Variants in TMTC1 observed in about 807,000 individuals in gnomAD.
TMTC1 encodes transmembrane O-mannosyltransferase targeting cadherins 1.
A neutral mutation model predicts 104.8 loss-of-function variants in TMTC1; 73 were observed. That is an observed-to-expected ratio of 0.70 (90% confidence interval 0.58 to 0.85). The LOEUF is 0.85. TMTC1 is among the 40% of genes least tolerant of loss of function. TMTC1 has a pLI of 0.00. For synonymous variants in TMTC1, 434 were observed against 428.7 expected, an observed-to-expected ratio of 1.01 and a Z score of -0.15; for missense variants, 1,035 against 1,096.1, an observed-to-expected ratio of 0.94 and a Z score of 0.79.
chr12:29,650,452 C>A (rs538406858), intron 5 of TMTC1, among the ~76,000 whole-genome samples: 9 of 152,162 alleles, frequency 5.9e-5, no homozygotes, highest in East Asian at 3.9e-4. Flanking sequence ...GACACCCGGG[C>A]CTCAGGTCAT....
At chr12:29,616,469 C>T (rs1946980854) in intron 6 of TMTC1, among the ~76,000 whole-genome samples, 1 of 151,966 alleles carries the variant, frequency 6.6e-6, no homozygotes, top group East Asian at 1.9e-4. Context: ...GTCAAGAGTT[C>T]AAGGCCTGAC....
intron 5 of TMTC1, among the ~76,000 whole-genome samples, chr12:29,691,355 C>G: frequency 6.6e-6 from 1 of 152,106 alleles, no homozygotes; most frequent in Non-Finnish European, 1.5e-5. Context: ...TCCAACCCAA[C>G]TAATCAGCAC....
chr12:29,768,156 C>A (rs1943516711), intron 1 of TMTC1, 81 bp from the exon 2 acceptor site: 2 of 1,027,454 alleles, frequency 1.9e-6, no homozygotes, highest in Non-Finnish European at 2.8e-6. Context: ...CGGAATCCAT[C>A]ATTTAAAAAG....
intron 5 of TMTC1, 103 bp downstream of exon 5, chr12:29,751,561 TCA>T: frequency 8.6e-7 from 1 of 1,168,178 alleles, no homozygotes; most frequent in Non-Finnish European, 1.3e-6. Flanking sequence ...GAGAGGGAGG[TCA>T]CAGTGTGCTG....
chr12:29,525,914 A>T (rs1944330647), intron 11 of TMTC1, among the ~76,000 whole-genome samples: 1 of 152,244 alleles, frequency 6.6e-6, no homozygotes, highest in Admixed American at 6.5e-5. Context: ...AGATTTTTCT[A>T]GGAATGTCCC....
At chr12:29,654,268 T>C (rs191204185) in intron 5 of TMTC1, among the ~76,000 whole-genome samples, 3 of 152,106 alleles carry the variant, frequency 2.0e-5, no homozygotes, top group Admixed American at 1.3e-4. Context: ...AACAACCCAA[T>C]TAAAAAGTGA....
At chr12:29,715,991 T>TATTATTATC (rs200649903) in intron 5 of TMTC1, among the ~76,000 whole-genome samples, 3,636 of 30,796 alleles carry the variant, frequency 0.12, 91 homozygotes, top group Middle Eastern at 0.24. Flanking sequence ...AACTCAGTAT[T>TATTATTATC]ATTATTATTA....
chr12:29,757,367 C>T lies in TMTC1; in HGVS notation c.554+1337G>A, dbSNP rs188428921. 8.7e-4 allele frequency among the ~76,000 whole-genome samples: 133 copies of T among 152,290 alleles called. 1 individual carries two copies. Among genetic ancestry groups the T allele is most frequent in the Non-Finnish European group, 1.5e-3 (100 of 68,032 alleles). The stretch of plus-strand genomic sequence containing the variant: ...TCTTCTGCAACATCTTTGGCTTCTA[C>T]CCACTAGATGCCATGAACACCACTT... On this transcript the variant is annotated intron_variant, in intron 3 of 17. Transcript: ENST00000539277.
intron 5 of TMTC1, among the ~76,000 whole-genome samples, chr12:29,672,249 C>T (rs1157106250): frequency 1.3e-5 from 2 of 152,180 alleles, no homozygotes; most frequent in East Asian, 3.9e-4. Flanking sequence ...CATCAAGTTC[C>T]TGCAGGAGTA....
intron 5 of TMTC1, among the ~76,000 whole-genome samples, chr12:29,679,751 CCT>C (rs1386528481): frequency 2.0e-5 from 3 of 151,660 alleles, no homozygotes; most frequent in Non-Finnish European, 4.4e-5. Context: ...GAAAGGGTAA[CCT>C]ATAAGTAGAG....
At chr12:29,658,664 C>A in intron 5 of TMTC1, 1 of 212,656 alleles carries the variant, frequency 4.7e-6, no homozygotes, top group South Asian at 8.3e-5. Flanking sequence ...GAACAGGAAC[C>A]ATTCCCTTGA....
In TMTC1 at chr12:29,513,096, G is replaced by A. The variant is rs966982881; in HGVS notation, c.2431-976C>T. Among the ~76,000 whole-genome samples, 10 of 152,266 alleles carry A rather than the reference G, an allele frequency of 6.6e-5. No individual in the cohort carries two copies. In the East Asian group the frequency reaches 1.5e-3, roughly 23 times the overall value. On this transcript the variant is annotated intron_variant, in intron 16 of 17. Coordinates refer to ENST00000539277, the MANE Select transcript of TMTC1 (RefSeq NM_001193451.2). ...TGGATTAATTTATATCAGTGAAGATGGGAATGTAGTGTAGGAGACCTGGAT... is the reference window on the plus strand; with the variant it reads ...TGGATTAATTTATATCAGTGAAGATAGGAATGTAGTGTAGGAGACCTGGAT...
At chr12:29,558,317 A>T (rs979393047) in intron 9 of TMTC1, among the ~76,000 whole-genome samples, 19 of 152,170 alleles carry the variant, frequency 1.2e-4, no homozygotes, top group African/African-American at 4.6e-4. Context: ...AAGCCCCTTG[A>T]CCATAAAATG....
At chr12:29,534,146 T>C (rs1944579629) in intron 11 of TMTC1, 1 of 152,244 alleles carries the variant, frequency 6.6e-6, no homozygotes, top group Admixed American at 6.5e-5. Flanking sequence ...TGAATTCATT[T>C]GCTACCAAAA....
intron 5 of TMTC1, among the ~76,000 whole-genome samples, chr12:29,663,557 C>T: frequency 6.6e-6 from 1 of 151,884 alleles, no homozygotes; most frequent in Non-Finnish European, 1.5e-5. Context: ...ACTCTTGTCG[C>T]CCAGGCTAGA....
chr12:29,736,261 CAAAAA>C (rs367958905), intron 5 of TMTC1, among the ~76,000 whole-genome samples: 1 of 88,566 alleles, frequency 1.1e-5, no homozygotes. Flanking sequence ...TAGGTAAAGC[CAAAAA>C]AAAAAAAAAA....
chr12:29,561,199 A>T (rs963294627), intron 9 of TMTC1, among the ~76,000 whole-genome samples: 1 of 152,138 alleles, frequency 6.6e-6, no homozygotes, highest in Non-Finnish European at 1.5e-5. Flanking sequence ...AAAAAAAAAA[A>T]AAGACATCTC....
intron 5 of TMTC1, among the ~76,000 whole-genome samples, chr12:29,677,682 C>T (rs1379268597): frequency 4.6e-5 from 7 of 152,196 alleles, no homozygotes; most frequent in African/African-American, 1.4e-4. Context: ...CCCACTTGGT[C>T]CCACTTGGGA....
At chr12:29,694,691 G>A (rs1158114193) in intron 5 of TMTC1, among the ~76,000 whole-genome samples, 1 of 152,120 alleles carries the variant, frequency 6.6e-6, no homozygotes, top group African/African-American at 2.4e-5. Flanking sequence ...TGTAATCCCA[G>A]TACTTTGGGA....
Sources: gnomAD v4.1 joint callset for allele counts (sites outside exome capture counted in the v4.1 genomes callset) on GRCh38, gnomAD v4.1.1 for gene constraint, MANE v1.5 for transcripts, NCBI Gene and HGNC (gene_info 2026-07-23, HGNC 2026-07-21) for gene names.